The following THEMIS variants were observed in gnomAD, a reference collection of about 807,000 sequenced individuals.
THEMIS encodes thymocyte selection associated, also known as protein THEMIS.
THEMIS carries 37 observed loss-of-function variants against 52.6 expected under a neutral mutation model. That is an observed-to-expected ratio of 0.70 (90% CI 0.54 to 0.93). THEMIS has a LOEUF of 0.93. THEMIS is among the 40% of genes least tolerant of loss of function. The pLI is 0.00. For missense variants in THEMIS, 808 were observed against 763.1 expected (o/e 1.06, Z -0.69); for synonymous variants, 292 against 272.7 (o/e 1.07, Z -0.70).
chr6:127,811,739 T>C (rs1047148305), intron 4 of THEMIS, among the ~76,000 whole-genome samples: 3 of 152,200 alleles, frequency 2.0e-5, no homozygotes, highest in South Asian at 2.1e-4. Flanking sequence ...AATAAAAATA[T>C]GTTAAATGGG....
intron 2 of THEMIS, among the ~76,000 whole-genome samples, chr6:127,850,732 C>CG (rs2114271855): frequency 6.6e-6 from 1 of 151,490 alleles, no homozygotes; most frequent in Admixed American, 6.6e-5. Flanking sequence ...GGGGACTTAG[C>CG]GGGGAAGGTT....
chr6:127,861,560 G>A (rs1198499675), intron 1 of THEMIS, among the ~76,000 whole-genome samples: 1 of 151,982 alleles, frequency 6.6e-6, no homozygotes, highest in Non-Finnish European at 1.5e-5. Flanking sequence ...AAGGTGGGTG[G>A]ATCACCTGAG....
chr6:127,853,474 C>T (rs574254131), intron 2 of THEMIS, among the ~76,000 whole-genome samples: 29 of 151,086 alleles, frequency 1.9e-4, no homozygotes, highest in African/African-American at 6.6e-4. Flanking sequence ...TAATGTGCAG[C>T]CAAATTTGAG....
At chr6:127,883,539 G>C (rs1780553010) in intron 1 of THEMIS, among the ~76,000 whole-genome samples, 1 of 151,468 alleles carries the variant, frequency 6.6e-6, no homozygotes, top group South Asian at 2.1e-4. Context: ...TTTATGTATA[G>C]ACATACACAT....
intron 4 of THEMIS, among the ~76,000 whole-genome samples, chr6:127,811,088 G>C (rs550863810): frequency 1.4e-4 from 21 of 152,082 alleles, no homozygotes; most frequent in Middle Eastern, 3.4e-3. Context: ...ACAACAAAAA[G>C]TTTCCAGCAA....
At chr6:127,717,579 G>A (rs1001665917) in intron 5 of THEMIS, among the ~76,000 whole-genome samples, 2 of 151,842 alleles carry the variant, frequency 1.3e-5, no homozygotes, top group African/African-American at 4.8e-5. Flanking sequence ...TGACAGCACT[G>A]ATCCTGAGTG....
At chr6:127,791,742 C>T (rs555949383) in intron 4 of THEMIS, among the ~76,000 whole-genome samples, 341 of 152,242 alleles carry the variant, frequency 2.2e-3, no homozygotes, top group Non-Finnish European at 3.3e-3. Context: ...TAGCCCCCAC[C>T]TCACCCTCCC....
At chr6:127,813,991 T>TA in intron 3 of THEMIS, 60 bp from the exon 4 acceptor site, 1 of 1,354,492 alleles carries the variant, frequency 7.4e-7, no homozygotes. Context: ...TGCTGTGAGA[T>TA]ACTCTCCTGA....
intron 3 of THEMIS, among the ~76,000 whole-genome samples, chr6:127,827,715 T>G (rs1167313881): frequency 2.6e-5 from 4 of 152,178 alleles, no homozygotes; most frequent in Non-Finnish European, 5.9e-5. Context: ...CTGTACTTCT[T>G]AAATACCCAT....
chr6:127,867,306 C>G (rs895174520), intron 1 of THEMIS, among the ~76,000 whole-genome samples: 1 of 152,058 alleles, frequency 6.6e-6, no homozygotes. Flanking sequence ...TAAAATAAAT[C>G]CCCAAACAGT....
chr6:127,904,106 T>C (rs114733944), upstream of THEMIS, among the ~76,000 whole-genome samples: 269 of 152,168 alleles, frequency 1.8e-3, no homozygotes, highest in African/African-American at 5.0e-3. Flanking sequence ...GAACCTGAGT[T>C]GAGTTTTTGG....
intron 5 of THEMIS, among the ~76,000 whole-genome samples, chr6:127,710,560 A>T (rs896586740): frequency 4.6e-5 from 7 of 152,020 alleles, no homozygotes; most frequent in African/African-American, 1.7e-4. Flanking sequence ...AGAAAAATCA[A>T]CAGGCCTCCA....
intron 1 of THEMIS, among the ~76,000 whole-genome samples, chr6:127,880,437 T>G: frequency 6.6e-6 from 1 of 152,068 alleles, no homozygotes; most frequent in East Asian, 1.9e-4. Flanking sequence ...TGTTAGTCAT[T>G]TTAAAAATCA....
At chr6:127,790,234 G>C (rs1166553744) in intron 4 of THEMIS, among the ~76,000 whole-genome samples, 1 of 152,066 alleles carries the variant, frequency 6.6e-6, no homozygotes, top group East Asian at 1.9e-4. Flanking sequence ...CACCAATTAT[G>C]GCCAAACCAG....
rs970320718 is a variant in THEMIS at position 127,819,481 on chromosome 6, T to C, written c.710-5550A>G. Among the ~76,000 whole-genome samples the C allele has an allele frequency of 4.6e-5, 7 of 152,128 alleles. No homozygotes were observed. The South Asian group carries it at 8.3e-4, about 18-fold the overall frequency. ...GATAAATACCAAAAAAAATCTATAT[T>C]GAAGAGTATCATATTCAGGCTTCTT... is the stretch of plus-strand genomic sequence containing the variant. On this transcript the variant is annotated intron_variant, in intron 3 of 5. Coordinates refer to ENST00000368248, the MANE Select transcript of THEMIS (RefSeq NM_001010923.3).
chr6:127,798,218 T>C (rs1027052161), intron 4 of THEMIS, among the ~76,000 whole-genome samples: 1 of 152,220 alleles, frequency 6.6e-6, no homozygotes, highest in African/African-American at 2.4e-5. Context: ...TAAAATAGCG[T>C]GCCTTACTCT....
At chr6:127,819,144 AAAAAAG>A (rs1778243733) in intron 3 of THEMIS, among the ~76,000 whole-genome samples, 2 of 149,636 alleles carry the variant, frequency 1.3e-5, no homozygotes, top group African/African-American at 2.4e-5. Flanking sequence ...AAAAAAAAAA[AAAAAAG>A]AAAGAAATTA....
intron 1 of THEMIS, among the ~76,000 whole-genome samples, chr6:127,856,480 T>C (rs560573750): frequency 1.3e-5 from 2 of 152,022 alleles, no homozygotes; most frequent in South Asian, 4.2e-4. Flanking sequence ...GGCATCCCAT[T>C]AGCCAAATTC....
At chr6:127,862,131 A>G (rs904840664) in intron 1 of THEMIS, among the ~76,000 whole-genome samples, 2 of 152,236 alleles carry the variant, frequency 1.3e-5, no homozygotes, top group Middle Eastern at 3.4e-3. Flanking sequence ...AAATTTCAAC[A>G]TCCTGAAAAA....
Sources: gnomAD v4.1 joint callset for allele counts (sites outside exome capture counted in the v4.1 genomes callset) on GRCh38, gnomAD v4.1.1 for gene constraint, MANE v1.5 for transcripts, NCBI Gene and HGNC (gene_info 2026-07-23, HGNC 2026-07-21) for gene names.